Variants in RHOJ observed in about 807,000 individuals in gnomAD.
RHOJ encodes the protein ras homolog family member J.
RHOJ carries 11 observed loss-of-function variants against 23.4 expected under a neutral mutation model. That is an observed-to-expected ratio of 0.47 (90% CI 0.30 to 0.78). The LOEUF is 0.78. Ranked by LOEUF, RHOJ falls within the 30% of genes least tolerant of loss-of-function variation. The pLI is 0.08. For missense variants in RHOJ, 254 were observed against 273.4 expected (o/e 0.93, Z 0.50); for synonymous variants, 102 against 102.7 (o/e 0.99, Z 0.04).
intron 1 of RHOJ, among the ~76,000 whole-genome samples, chr14:63,240,517 T>G (rs570653473): frequency 1.6e-3 from 248 of 152,134 alleles, no homozygotes; most frequent in African/African-American, 5.8e-3. Flanking sequence ...CAGCTGAAGA[T>G]GTATAGGGCT....
intron 1 of RHOJ, among the ~76,000 whole-genome samples, chr14:63,265,877 T>C (rs571953195): frequency 5.8e-4 from 88 of 152,290 alleles, no homozygotes; most frequent in African/African-American, 2.0e-3. Context: ...AAAGTTGAAA[T>C]CAACAGAAAT....
In RHOJ at chr14:63,214,590, A is replaced by T. The variant is rs575781805; in HGVS notation, c.178+9543A>T. Among the ~76,000 whole-genome samples the T allele has an allele frequency of 5.9e-5, 9 of 152,318 alleles. No individual in the cohort carries two copies. In the South Asian group the frequency reaches 1.9e-3, roughly 32 times the overall value. ...TAAGTGAGGAAACAGAGTGTTCTCA[A>T]AAAAGATCTGTACCTGCGGTGGGGG... is the stretch of plus-strand genomic sequence containing the variant. On this transcript the variant is annotated intron_variant, in intron 1 of 4. Transcript: ENST00000316754.
rs764547381 is a variant in RHOJ at position 63,280,987 on chromosome 14, T to A, written c.254T>A (p.Leu85Gln). The stretch of plus-strand genomic sequence containing the variant: ...TTCCCACAGGAGGACTACAACCAGC[T>A]GAGGCCACTCTCCTACCCCAACACG... ...DTAGQEDYNQ[L>Q]RPLSYPNTDV... Residue 85 changes from leucine to glutamine, a missense_variant, in exon 3 of 5, where the codon CTG (leucine) becomes CAG (glutamine). Coordinates refer to ENST00000316754, the MANE Select transcript of RHOJ (RefSeq NM_020663.5). 6.2e-7 allele frequency: 1 copy of A among 1,613,470 alleles called. No homozygotes were observed. The highest frequency in any genetic ancestry group is 1.1e-5 in the South Asian group (1 of 90,940).
At chr14:63,261,235 T>C (rs961870594) in intron 1 of RHOJ, among the ~76,000 whole-genome samples, 1 of 152,184 alleles carries the variant, frequency 6.6e-6, no homozygotes, top group Non-Finnish European at 1.5e-5. Flanking sequence ...TTTTTTTCTT[T>C]TGGGTTAATC....
rs1895430534 is a variant in RHOJ, at chr14:63,269,627, G to A, written c.237+459G>A. On this transcript the variant is annotated intron_variant, in intron 2 of 4. Transcript: ENST00000316754. ...TGGGGGTGAGGGGAGGAGAGAGGGAGAAGATGGATTACGTGTTGGAAGGAA... is the reference window on the plus strand; with the variant it reads ...TGGGGGTGAGGGGAGGAGAGAGGGAAAAGATGGATTACGTGTTGGAAGGAA... Among the ~76,000 whole-genome samples, 5 of 152,140 alleles carry A rather than the reference G, an allele frequency of 3.3e-5. No homozygotes were observed. The South Asian group carries it at 1.0e-3, about 32-fold the overall frequency.
intron 1 of RHOJ, among the ~76,000 whole-genome samples, chr14:63,205,513 AAC>A (rs1282745978): frequency 1.3e-5 from 2 of 152,178 alleles, no homozygotes; most frequent in Non-Finnish European, 2.9e-5. Flanking sequence ...AGATTAATAA[AAC>A]ACTCATTTTT....
At chr14:63,226,214 T>C (rs1594755872) in intron 1 of RHOJ, among the ~76,000 whole-genome samples, 2 of 152,080 alleles carry the variant, frequency 1.3e-5, no homozygotes, top group African/African-American at 4.8e-5. Flanking sequence ...ATATGATAGG[T>C]AAATATTGTG....
intron 3 of RHOJ, 110 bp downstream of exon 3, chr14:63,281,245 C>T: frequency 9.6e-7 from 1 of 1,036,942 alleles, no homozygotes; most frequent in Non-Finnish European, 1.4e-6. Flanking sequence ...GTGTCTCAGA[C>T]ATGTCAATCC....
chr14:63,204,665 T>C lies in RHOJ; in HGVS notation c.-205T>C, dbSNP rs1319436601. 3.3e-6 allele frequency: 2 copies of C among 597,752 alleles called. No individual in the cohort carries two copies. Among genetic ancestry groups the C allele is most frequent in the Non-Finnish European group, 5.9e-6 (2 of 336,758 alleles). 37.0% of individuals were successfully genotyped at this position (597,752 alleles called of 1,614,324 possible). A position where few individuals can be genotyped will look rare whatever the true frequency, so the allele number is the denominator to read the frequency against. Reference sequence around the variant, plus strand: ...GAAAGGGGCAGACCCTTTTCATAACTCCCTCAAGTGTGTGTTACCTTTCTT... The same window carrying C: ...GAAAGGGGCAGACCCTTTTCATAACCCCCTCAAGTGTGTGTTACCTTTCTT... On this transcript the variant is annotated 5_prime_UTR_variant, in exon 1 of 5. Coordinates refer to ENST00000316754, the MANE Select transcript of RHOJ (RefSeq NM_020663.5).
intron 4 of RHOJ, chr14:63,284,304 T>A: frequency 1.0e-6 from 1 of 985,272 alleles, no homozygotes; most frequent in Non-Finnish European, 1.2e-6. Context: ...CAACACCTGA[T>A]CGAGATACTG....
intron 1 of RHOJ, among the ~76,000 whole-genome samples, chr14:63,211,998 G>C (rs903678213): frequency 6.6e-6 from 1 of 152,200 alleles, no homozygotes; most frequent in Non-Finnish European, 1.5e-5. Flanking sequence ...GGTATTCCTT[G>C]CTCATGTGAT....
chr14:63,277,463 G>T (rs567148196), intron 2 of RHOJ, among the ~76,000 whole-genome samples: 1 of 152,276 alleles, frequency 6.6e-6, no homozygotes, highest in African/African-American at 2.4e-5. Context: ...AATTTAGCTG[G>T]TTCCAGAGTA....
chr14:63,216,137 G>T (rs2139732070), intron 1 of RHOJ, among the ~76,000 whole-genome samples: 1 of 152,246 alleles, frequency 6.6e-6, no homozygotes, highest in Admixed American at 6.5e-5. Context: ...AACACCAAAA[G>T]GTTTTGCTTC....
At chr14:63,274,957 T>G (rs1881671381) in intron 2 of RHOJ, among the ~76,000 whole-genome samples, 1 of 152,200 alleles carries the variant, frequency 6.6e-6, no homozygotes, top group African/African-American at 2.4e-5. Flanking sequence ...GAATTCTATT[T>G]CCAAATTAAT....
rs1457341235 is a variant in RHOJ, at chr14:63,293,048, G to C, written c.*2024G>C. 2 of 151,930 alleles carry C rather than the reference G, an allele frequency of 1.3e-5. No homozygotes were observed. The highest frequency in any genetic ancestry group is 1.9e-4 in the East Asian group (1 of 5,194). 9.4% of individuals were successfully genotyped at this position (151,930 alleles called of 1,614,324 possible). On this transcript the variant is annotated 3_prime_UTR_variant, in exon 5 of 5. Transcript: ENST00000316754. ...TCATACGCACACACTCCAGTGACTGGAAAAACGGGAGTTTTCAGTCAAAGC... is the reference window on the plus strand; with the variant it reads ...TCATACGCACACACTCCAGTGACTGCAAAAACGGGAGTTTTCAGTCAAAGC...
chr14:63,243,914 A>G (rs1442832863), intron 1 of RHOJ, among the ~76,000 whole-genome samples: 3 of 152,188 alleles, frequency 2.0e-5, no homozygotes, highest in Non-Finnish European at 4.4e-5. Flanking sequence ...TAATTGTGCA[A>G]AAGGCACTCT....
At position 63,204,913 on chromosome 14, in the gene RHOJ, G is replaced by A. The variant is rs774185784; in HGVS notation, c.44G>A (p.Gly15Asp). The change falls in exon 1 of 5, where the codon GGC (glycine) becomes GAC (aspartate). Residue 15 changes from glycine (G) to aspartate (D), a missense_variant. By Grantham distance (94) the Gly-to-Asp change is moderately conservative. Coordinates refer to ENST00000316754, the MANE Select transcript of RHOJ (RefSeq NM_020663.5). ...ACTGACAGCAGCTGCGGCTGCAGGG[G>A]CAACGACGAGAAGAAGATGTTGAAG... is the stretch of plus-strand genomic sequence containing the variant. The part of the protein sequence containing the change: ...EGTDSSCGCR[G>D]NDEKKMLKCV... The A allele has an allele frequency of 6.2e-7, 1 of 1,614,014 alleles. No individual in the cohort carries two copies. Among genetic ancestry groups the A allele is most frequent in the Non-Finnish European group, 8.5e-7 (1 of 1,180,004 alleles).
At chr14:63,223,112 T>G (rs1189539415) in intron 1 of RHOJ, among the ~76,000 whole-genome samples, 1 of 152,190 alleles carries the variant, frequency 6.6e-6, no homozygotes, top group African/African-American at 2.4e-5. Context: ...TTTCACAGAA[T>G]TCATAGATGC....
chr14:63,237,532 C>T (rs1414896075), intron 1 of RHOJ, among the ~76,000 whole-genome samples: 1 of 152,114 alleles, frequency 6.6e-6, no homozygotes, highest in African/African-American at 2.4e-5. Flanking sequence ...CCCTCTTAGG[C>T]CAAAGCAGGA....
Sources: gnomAD v4.1 joint callset for allele counts (sites outside exome capture counted in the v4.1 genomes callset) on GRCh38, gnomAD v4.1.1 for gene constraint, MANE v1.5 for transcripts, NCBI Gene and HGNC (gene_info 2026-07-23, HGNC 2026-07-21) for gene names.